Variants in ASCC3 observed in about 807,000 individuals in gnomAD.
ASCC3 encodes ASC-1 complex subunit P200.
In ASCC3, 158 loss-of-function variants were observed where a neutral mutation model predicts 256.3. The observed-to-expected ratio is 0.62, with a 90% CI of 0.54 to 0.70. The LOEUF is 0.70. Among genes scored for constraint, ASCC3 ranks in the 30% least tolerant of loss-of-function variants. ASCC3 has a pLI of 0.00. For missense variants in ASCC3, 2,259 were observed against 2,626.0 expected (o/e 0.86, Z 3.05); for synonymous variants, 948 against 883.4 (o/e 1.07, Z -1.30).
At chr6:100,650,922 T>C (rs1208364826) in intron 19 of ASCC3, among the ~76,000 whole-genome samples, 1 of 151,864 alleles carries the variant, frequency 6.6e-6, no homozygotes, top group Non-Finnish European at 1.5e-5. Flanking sequence ...CAATTACATT[T>C]TATTATTCAT....
At chr6:100,566,143 G>C (rs1417045124) in intron 36 of ASCC3, among the ~76,000 whole-genome samples, 2 of 152,074 alleles carry the variant, frequency 1.3e-5, no homozygotes, top group East Asian at 3.9e-4. Flanking sequence ...TCTAGAGTAA[G>C]GTCAGATATG....
intron 10 of ASCC3, among the ~76,000 whole-genome samples, chr6:100,731,083 C>T (rs1044189302): frequency 6.6e-6 from 1 of 150,984 alleles, no homozygotes; most frequent in African/African-American, 2.4e-5. Context: ...ATAAATGATA[C>T]TATTTTTAGC....
At chr6:100,525,946 C>T (rs1169036248) in intron 37 of ASCC3, among the ~76,000 whole-genome samples, 1 of 152,220 alleles carries the variant, frequency 6.6e-6, no homozygotes, top group South Asian at 2.1e-4. Flanking sequence ...ATGGGAAAAC[C>T]TGAAAAAGCT....
chr6:100,710,478 G>A (rs865843871), intron 13 of ASCC3, among the ~76,000 whole-genome samples: 1 of 152,126 alleles, frequency 6.6e-6, no homozygotes, highest in Non-Finnish European at 1.5e-5. Flanking sequence ...CATAGTAAGA[G>A]CCTGCCCTCC....
chr6:100,685,557 G>A (rs1777531983), intron 13 of ASCC3, among the ~76,000 whole-genome samples: 1 of 152,154 alleles, frequency 6.6e-6, no homozygotes, highest in African/African-American at 2.4e-5. Context: ...AGTTAAAATA[G>A]GAGAATCCTG....
intron 10 of ASCC3, among the ~76,000 whole-genome samples, chr6:100,757,896 T>C (rs1781256310): frequency 6.6e-6 from 1 of 152,110 alleles, no homozygotes; most frequent in South Asian, 2.1e-4. Flanking sequence ...CTTCTCTTTC[T>C]ATACAAAGGA....
intron 36 of ASCC3, among the ~76,000 whole-genome samples, chr6:100,586,966 TA>T (rs373919152): frequency 3.9e-5 from 6 of 152,168 alleles, no homozygotes; most frequent in African/African-American, 1.4e-4. Context: ...AACTAAAGTT[TA>T]AAAATGACTT....
At chr6:100,858,716 A>C in intron 3 of ASCC3, 1 of 1,013,866 alleles carries the variant, frequency 9.9e-7, no homozygotes, top group Non-Finnish European at 1.2e-6. Flanking sequence ...TTCATGAGAT[A>C]CCACTATATA....
chr6:100,784,289 T>A (rs541261726), intron 8 of ASCC3, among the ~76,000 whole-genome samples: 8 of 152,168 alleles, frequency 5.3e-5, no homozygotes, highest in African/African-American at 1.7e-4. Context: ...TTATTAAAAA[T>A]TTATTGCTCT....
intron 37 of ASCC3, among the ~76,000 whole-genome samples, chr6:100,535,334 A>T (rs1484079800): frequency 6.6e-6 from 1 of 152,168 alleles, no homozygotes; most frequent in Admixed American, 6.5e-5. Context: ...AGAACTGCCA[A>T]TCAGTCATTT....
intron 1 of ASCC3, among the ~76,000 whole-genome samples, chr6:100,871,035 T>C (rs1460367281): frequency 1.3e-5 from 2 of 152,174 alleles, no homozygotes; most frequent in African/African-American, 4.8e-5. Flanking sequence ...ACTTTGCAGA[T>C]GATGCAGTAG....
intron 3 of ASCC3, chr6:100,858,762 C>A: frequency 1.1e-6 from 1 of 928,690 alleles, no homozygotes; most frequent in Non-Finnish European, 1.4e-6. Context: ...TTAGGATATC[C>A]TCTTACATAG....
chr6:100,797,044 C>T (rs1225406902), intron 8 of ASCC3, among the ~76,000 whole-genome samples: 2 of 151,878 alleles, frequency 1.3e-5, no homozygotes, highest in Non-Finnish European at 2.9e-5. Flanking sequence ...TCCAAGAATC[C>T]AAATAAAAAT....
intron 10 of ASCC3, among the ~76,000 whole-genome samples, chr6:100,747,728 A>T (rs1446549545): frequency 6.6e-6 from 1 of 152,108 alleles, no homozygotes; most frequent in African/African-American, 2.4e-5. Flanking sequence ...TGAGGACAGC[A>T]GGAGGAAGAG....
At chr6:100,852,966 A>C (rs1467713609) in intron 3 of ASCC3, among the ~76,000 whole-genome samples, 1 of 152,064 alleles carries the variant, frequency 6.6e-6, no homozygotes, top group Non-Finnish European at 1.5e-5. Context: ...AATGCATAGT[A>C]AACTATAAGG....
chr6:100,665,616 T>C (rs1179537904), intron 14 of ASCC3, among the ~76,000 whole-genome samples: 2 of 151,676 alleles, frequency 1.3e-5, no homozygotes, highest in African/African-American at 2.4e-5. Flanking sequence ...GGCATGTGCC[T>C]GTAGTCCCAG....
At chr6:100,704,141 T>C (rs1344000889) in intron 13 of ASCC3, among the ~76,000 whole-genome samples, 3 of 151,972 alleles carry the variant, frequency 2.0e-5, no homozygotes, top group Non-Finnish European at 2.9e-5. Flanking sequence ...AGTAGACGTT[T>C]AGAAAATGAT....
chr6:100,631,229 T>C lies in ASCC3; in HGVS notation c.4123-16A>G, dbSNP rs1005317028. 1 of 1,563,424 alleles carries C rather than the reference T, an allele frequency of 6.4e-7. No individual in the cohort carries two copies. The highest frequency in any genetic ancestry group is 8.8e-7 in the Non-Finnish European group (1 of 1,134,726). ...TATATACCGCCTAAAAAGGGGAGAA[T>C]AGCCAAAAATACTCTTATGAAAATA... is the stretch of plus-strand genomic sequence containing the variant. On this transcript the variant is annotated splice_polypyrimidine_tract_variant and intron_variant, in intron 25 of 41. Transcript: ENST00000369162.
chr6:100,682,828 A>G (rs1777376007), intron 13 of ASCC3, among the ~76,000 whole-genome samples: 1 of 152,172 alleles, frequency 6.6e-6, no homozygotes, highest in South Asian at 2.1e-4. Context: ...GAAGGAGTAC[A>G]TTCTCTTCTA....
Sources: gnomAD v4.1 joint callset for allele counts (sites outside exome capture counted in the v4.1 genomes callset) on GRCh38, gnomAD v4.1.1 for gene constraint, MANE v1.5 for transcripts, NCBI Gene and HGNC (gene_info 2026-07-23, HGNC 2026-07-21) for gene names.